Variants in TRPM3 observed in about 807,000 individuals in gnomAD.
TRPM3 encodes the protein transient receptor potential cation channel subfamily M member 3.
In TRPM3, 77 loss-of-function variants were observed where a neutral mutation model predicts 181.2. That is an observed-to-expected ratio of 0.42 (90% CI 0.35 to 0.51). The LOEUF (loss-of-function observed/expected upper bound fraction) is 0.51, where lower values mean the gene tolerates loss of function less well. Ranked by LOEUF, TRPM3 falls within the 20% of genes least tolerant of loss-of-function variation. TRPM3 has a pLI of 0.01. For synonymous variants in TRPM3, 745 were observed against 796.4 expected (o/e 0.94, Z 1.09); for missense variants, 1,759 against 2,196.7 (o/e 0.80, Z 3.98).
At chr9:71,198,531 A>G (rs551989650) in intron 1 of TRPM3, among the ~76,000 whole-genome samples, 2 of 152,100 alleles carry the variant, frequency 1.3e-5, no homozygotes, top group East Asian at 1.9e-4. Flanking sequence ...ATTTCTTTGT[A>G]TCCTCTTTTA....
intron 1 of TRPM3, among the ~76,000 whole-genome samples, chr9:71,088,148 T>C (rs544531162): frequency 2.6e-5 from 4 of 152,218 alleles, no homozygotes; most frequent in African/African-American, 9.6e-5. Context: ...TTACAGTGAT[T>C]CCTCAGCCTA....
At chr9:71,020,599 G>C (rs567146377) in intron 1 of TRPM3, among the ~76,000 whole-genome samples, 1 of 151,810 alleles carries the variant, frequency 6.6e-6, no homozygotes, top group Admixed American at 6.6e-5. Flanking sequence ...AATATACAAA[G>C]AACTAGCTGG....
At chr9:70,596,063 A>G (rs2058961925) in intron 21 of TRPM3, among the ~76,000 whole-genome samples, 1 of 152,202 alleles carries the variant, frequency 6.6e-6, no homozygotes, top group African/African-American at 2.4e-5. Flanking sequence ...AAAAAATGCA[A>G]TTTGAACATA....
At chr9:71,025,089 G>A (rs982969363) in intron 1 of TRPM3, among the ~76,000 whole-genome samples, 11 of 152,082 alleles carry the variant, frequency 7.2e-5, no homozygotes, top group African/African-American at 2.7e-4. Flanking sequence ...TGATTCTGTA[G>A]TTTCTTCACC....
At chr9:71,328,320 C>T (rs1260788636) in intron 1 of TRPM3, among the ~76,000 whole-genome samples, 3 of 152,102 alleles carry the variant, frequency 2.0e-5, no homozygotes, top group Admixed American at 6.5e-5. Flanking sequence ...CCTGCCACCA[C>T]GCCCGGCTAA....
chr9:71,135,106 C>T (rs1406466808), intron 1 of TRPM3, among the ~76,000 whole-genome samples: 3 of 152,206 alleles, frequency 2.0e-5, no homozygotes, highest in Non-Finnish European at 4.4e-5. Flanking sequence ...AGTGACTCCT[C>T]AAGCATTCAC....
chr9:71,251,487 A>T (rs991217882), intron 1 of TRPM3, among the ~76,000 whole-genome samples: 3 of 152,140 alleles, frequency 2.0e-5, no homozygotes, highest in Non-Finnish European at 4.4e-5. Flanking sequence ...AAATAAAAAA[A>T]TTATAGTTTA....
chr9:71,323,285 C>G (rs1225132944), intron 1 of TRPM3, among the ~76,000 whole-genome samples: 1 of 152,108 alleles, frequency 6.6e-6, no homozygotes, highest in Non-Finnish European at 1.5e-5. Flanking sequence ...TTCAGGAATA[C>G]CAGCTGCCAA....
intron 1 of TRPM3, among the ~76,000 whole-genome samples, chr9:71,005,223 A>G (rs1590530243): frequency 6.6e-6 from 1 of 152,316 alleles, no homozygotes; most frequent in East Asian, 1.9e-4. Context: ...CCTGACCAAC[A>G]TGAACAAACC....
chr9:71,428,255 C>CA (rs1205841778), intron 1 of TRPM3, among the ~76,000 whole-genome samples: 2 of 128,332 alleles, frequency 1.6e-5, no homozygotes, highest in Non-Finnish European at 1.7e-5. Flanking sequence ...CCATGCCCGG[C>CA]TTTTTTTTTT....
chr9:71,192,400 A>G (rs891114662), intron 1 of TRPM3, among the ~76,000 whole-genome samples: 3 of 151,850 alleles, frequency 2.0e-5, no homozygotes, highest in Non-Finnish European at 2.9e-5. Flanking sequence ...TTTTAAGAGA[A>G]TTTATGACAG....
At chr9:71,339,082 T>C (rs1017714531) in intron 1 of TRPM3, among the ~76,000 whole-genome samples, 9 of 151,904 alleles carry the variant, frequency 5.9e-5, no homozygotes, top group Admixed American at 1.3e-4. Context: ...TAAGACAAAA[T>C]GCAAGACAAA....
chr9:71,286,322 A>T (rs1428110777), intron 1 of TRPM3, among the ~76,000 whole-genome samples: 1 of 152,198 alleles, frequency 6.6e-6, no homozygotes, highest in Non-Finnish European at 1.5e-5. Context: ...ATTTATTTGG[A>T]TTTGCAATCT....
intron 9 of TRPM3, among the ~76,000 whole-genome samples, chr9:70,668,533 C>T (rs532238666): frequency 6.6e-5 from 10 of 151,908 alleles, no homozygotes; most frequent in Non-Finnish European, 1.0e-4. Context: ...GGCGTGGTGG[C>T]GGGCGCCCGT....
intron 1 of TRPM3, among the ~76,000 whole-genome samples, chr9:71,151,033 T>C (rs191503125): frequency 1.5e-3 from 229 of 152,298 alleles, no homozygotes; most frequent in African/African-American, 4.4e-3. Flanking sequence ...AATTCAGATT[T>C]GATCTCTATC....
chr9:71,274,812 C>T (rs1170376584), intron 1 of TRPM3, among the ~76,000 whole-genome samples: 1 of 152,166 alleles, frequency 6.6e-6, no homozygotes, highest in Non-Finnish European at 1.5e-5. Flanking sequence ...TGTTTTGTGA[C>T]ACAAATATAA....
At chr9:71,184,772 T>C (rs1031415781) in intron 1 of TRPM3, among the ~76,000 whole-genome samples, 1 of 152,092 alleles carries the variant, frequency 6.6e-6, no homozygotes, top group African/African-American at 2.4e-5. Flanking sequence ...AAACTTGCTC[T>C]CAGGCAAGGG....
At chr9:70,691,522 G>C (rs750542696) in intron 8 of TRPM3, among the ~76,000 whole-genome samples, 1 of 152,110 alleles carries the variant, frequency 6.6e-6, no homozygotes, top group Non-Finnish European at 1.5e-5. Flanking sequence ...GGATCATCGT[G>C]GATGAACAAC....
Position 70,535,383 on chromosome 9 carries a change from G to A in TRPM3, c.*570C>T. On this transcript the variant is annotated 3_prime_UTR_variant, in exon 26 of 26. Transcript: ENST00000677713. Reference sequence around the variant, plus strand: ...ATAATGATCAATTACAGAAGTGTTGGCATGAGAAGGATGTGGGACGTTAGG... The same window carrying A: ...ATAATGATCAATTACAGAAGTGTTGACATGAGAAGGATGTGGGACGTTAGG... 1.3e-6 allele frequency: 2 copies of A among 1,541,780 alleles called. No homozygotes were observed. Among genetic ancestry groups the A allele is most frequent in the South Asian group, 2.4e-5 (2 of 83,826 alleles).
Sources: gnomAD v4.1 joint callset for allele counts (sites outside exome capture counted in the v4.1 genomes callset) on GRCh38, gnomAD v4.1.1 for gene constraint, MANE v1.5 for transcripts, NCBI Gene and HGNC (gene_info 2026-07-23, HGNC 2026-07-21) for gene names.